FCHSD2: variants seen among roughly 807,000 people sequenced by gnomAD.
FCHSD2 encodes the protein F-BAR and double SH3 domains protein 2.
In FCHSD2, 38 loss-of-function variants were observed where a neutral mutation model predicts 108.1. The ratio of observed to expected loss-of-function variants is 0.35; its 90% CI spans 0.27 to 0.46. The LOEUF (loss-of-function observed/expected upper bound fraction) is 0.46. Ranked by LOEUF, FCHSD2 falls within the 20% of genes least tolerant of loss-of-function variation. The probability of loss-of-function intolerance (pLI) is 1.00; values close to 1 mark genes in which losing one functional copy is unlikely to be tolerated. For missense variants in FCHSD2, 751 were observed against 897.8 expected, an observed-to-expected ratio of 0.84 and a Z score of 2.09; for synonymous variants, 279 against 314.7, an observed-to-expected ratio of 0.89 and a Z score of 1.20.
chr11:72,912,304 T>C (rs1855780735), intron 9 of FCHSD2, among the ~76,000 whole-genome samples: 1 of 152,212 alleles, frequency 6.6e-6, no homozygotes, highest in Non-Finnish European at 1.5e-5. Flanking sequence ...TTTTATTGTA[T>C]TGAGATATGT....
intron 2 of FCHSD2, among the ~76,000 whole-genome samples, chr11:73,128,028 A>G (rs1192560422): frequency 1.1e-4 from 16 of 151,854 alleles, no homozygotes; most frequent in Non-Finnish European, 2.1e-4. Flanking sequence ...AAAAAAAAAA[A>G]AGGTTCACTG....
intron 2 of FCHSD2, among the ~76,000 whole-genome samples, chr11:73,102,804 A>G (rs1390954253): frequency 6.6e-6 from 1 of 152,184 alleles, no homozygotes; most frequent in Non-Finnish European, 1.5e-5. Context: ...CCAGAACTAT[A>G]AGCCAATAAA....
chr11:72,994,848 T>C (rs1857491653), intron 5 of FCHSD2, among the ~76,000 whole-genome samples: 1 of 152,204 alleles, frequency 6.6e-6, no homozygotes, highest in South Asian at 2.1e-4. Context: ...AAAATTGACA[T>C]ATAATTCACA....
At chr11:73,111,712 C>G (rs1346877618) in intron 2 of FCHSD2, among the ~76,000 whole-genome samples, 1 of 151,938 alleles carries the variant, frequency 6.6e-6, no homozygotes, top group African/African-American at 2.4e-5. Context: ...GTGATTTTCT[C>G]TGGTGGGGTG....
At chr11:72,847,623 T>TAC (rs1388930561) in intron 14 of FCHSD2, among the ~76,000 whole-genome samples, 4 of 152,098 alleles carry the variant, frequency 2.6e-5, no homozygotes, top group South Asian at 2.1e-4. Context: ...TATTATGATT[T>TAC]ACTTCCTTAG....
At chr11:73,118,927 T>C (rs1475099239) in intron 2 of FCHSD2, among the ~76,000 whole-genome samples, 1 of 152,234 alleles carries the variant, frequency 6.6e-6, no homozygotes. Flanking sequence ...ACAACATGTA[T>C]GATATCAATT....
At chr11:73,116,953 A>C (rs1860618986) in intron 2 of FCHSD2, among the ~76,000 whole-genome samples, 1 of 7,168 alleles carries the variant, frequency 1.4e-4, no homozygotes, top group African/African-American at 1.5e-3. Flanking sequence ...TTTTTCCCCA[A>C]AAAAAATCAC....
intron 13 of FCHSD2, among the ~76,000 whole-genome samples, chr11:72,865,023 C>T (rs988607308): frequency 2.6e-5 from 4 of 152,226 alleles, no homozygotes; most frequent in African/African-American, 9.6e-5. Context: ...AGTTAATACC[C>T]AAGTAAGTAT....
chr11:72,856,784 C>G (rs1253565682), intron 13 of FCHSD2, among the ~76,000 whole-genome samples: 5 of 152,164 alleles, frequency 3.3e-5, no homozygotes, highest in Non-Finnish European at 7.3e-5. Context: ...GAATCACAGA[C>G]TTATGATTCT....
chr11:73,039,525 A>AG (rs1431101950), intron 3 of FCHSD2, among the ~76,000 whole-genome samples: 2 of 152,038 alleles, frequency 1.3e-5, no homozygotes, highest in East Asian at 1.9e-4. Flanking sequence ...TCCAAAAAAA[A>AG]AAAGAAAGAA....
chr11:73,070,462 C>T (rs1419410480), intron 3 of FCHSD2, among the ~76,000 whole-genome samples: 4 of 152,172 alleles, frequency 2.6e-5, no homozygotes, highest in Admixed American at 2.0e-4. Flanking sequence ...CTCGTTCTGT[C>T]GCCCAGGCTG....
At chr11:73,107,230 T>G (rs182423745) in intron 2 of FCHSD2, among the ~76,000 whole-genome samples, 1 of 152,270 alleles carries the variant, frequency 6.6e-6, no homozygotes, top group East Asian at 1.9e-4. Context: ...AAGTTTTGTA[T>G]TTTTAGTAGA....
intron 3 of FCHSD2, among the ~76,000 whole-genome samples, chr11:73,053,961 T>C (rs749405496): frequency 1.3e-5 from 2 of 152,224 alleles, no homozygotes; most frequent in Non-Finnish European, 2.9e-5. Flanking sequence ...TCACTTTTAT[T>C]GTATTTTACA....
intron 8 of FCHSD2, among the ~76,000 whole-genome samples, chr11:72,980,085 CTT>C (rs1857183791): frequency 6.6e-6 from 1 of 152,170 alleles, no homozygotes; most frequent in African/African-American, 2.4e-5. Context: ...CTGGAAGAGT[CTT>C]CAACACAGAT....
chr11:73,002,437 C>T (rs1857644655), intron 4 of FCHSD2, among the ~76,000 whole-genome samples: 2 of 152,184 alleles, frequency 1.3e-5, no homozygotes, highest in South Asian at 4.1e-4. Context: ...TCCATGGCCT[C>T]ACTGCATGAC....
chr11:72,938,140 G>C (rs2135336907), intron 8 of FCHSD2, among the ~76,000 whole-genome samples: 1 of 150,936 alleles, frequency 6.6e-6, no homozygotes, highest in Non-Finnish European at 1.5e-5. Context: ...AGTGCTGAAG[G>C]TAAGACTGGG....
At chr11:72,924,697 A>T (rs1448882061) in intron 8 of FCHSD2, among the ~76,000 whole-genome samples, 60 of 140,032 alleles carry the variant, frequency 4.3e-4, no homozygotes, top group Non-Finnish European at 8.0e-4. Flanking sequence ...TTTTTTTTTT[A>T]AATACACAAA....
At chr11:72,918,104 C>A (rs938513973) in intron 9 of FCHSD2, among the ~76,000 whole-genome samples, 3 of 152,070 alleles carry the variant, frequency 2.0e-5, no homozygotes, top group African/African-American at 4.8e-5. Flanking sequence ...AGTGTACAGG[C>A]CTTTAACTCC....
intron 8 of FCHSD2, among the ~76,000 whole-genome samples, chr11:72,922,630 T>C (rs1246066417): frequency 6.6e-6 from 1 of 152,088 alleles, no homozygotes; most frequent in Non-Finnish European, 1.5e-5. Flanking sequence ...GGAAACTGTA[T>C]AGATGACAAG....
Sources: gnomAD v4.1 joint callset for allele counts (sites outside exome capture counted in the v4.1 genomes callset) on GRCh38, gnomAD v4.1.1 for gene constraint, MANE v1.5 for transcripts, NCBI Gene and HGNC (gene_info 2026-07-23, HGNC 2026-07-21) for gene names.